INTS6: variants seen among roughly 807,000 people sequenced by gnomAD.
The protein encoded by INTS6 is DEAD box protein.
A neutral mutation model predicts 104.9 loss-of-function variants in INTS6; 16 were observed. The observed-to-expected ratio is 0.15, with a 90% CI of 0.10 to 0.23. The LOEUF (loss-of-function observed/expected upper bound fraction) is 0.23, where lower values mean the gene tolerates loss of function less well. Ranked by LOEUF, INTS6 falls within the 10% of genes least tolerant of loss-of-function variation. The pLI is 1.00. For missense variants in INTS6, 584 were observed against 1,062.8 expected (o/e 0.55, Z 6.26); for synonymous variants, 324 against 358.7 (o/e 0.90, Z 1.09).
intron 5 of INTS6, among the ~76,000 whole-genome samples, chr13:51,390,629 T>C (rs11148216): frequency 0.034 from 5,214 of 152,156 alleles, 105 homozygotes; most frequent in South Asian, 0.059. Flanking sequence ...CATCATTACA[T>C]TTGACACATC....
At chr13:51,338,757 G>A in the INTS6 span, among the ~76,000 whole-genome samples, 1 of 152,160 alleles carries the variant, frequency 6.6e-6, no homozygotes, top group African/African-American at 2.4e-5. Flanking sequence ...ACAATCCCAG[G>A]TTTGGGTGTC....
chr13:51,382,806 G>A (rs1956077217), intron 9 of INTS6, among the ~76,000 whole-genome samples: 1 of 152,242 alleles, frequency 6.6e-6, no homozygotes. Flanking sequence ...GCCGGGCACA[G>A]TGGCCCATGC....
intron 4 of INTS6, among the ~76,000 whole-genome samples, chr13:51,424,101 T>C (rs77248465): frequency 0.011 from 1,656 of 152,188 alleles, 26 homozygotes; most frequent in East Asian, 0.07. Flanking sequence ...GAGCTAGAAT[T>C]GGATAATAGA....
chr13:51,433,920 G>A (rs773354035), intron 3 of INTS6, among the ~76,000 whole-genome samples: 21 of 152,124 alleles, frequency 1.4e-4, no homozygotes, highest in Non-Finnish European at 2.8e-4. Context: ...AACTTAGTGA[G>A]GTAAAATATT....
intron 4 of INTS6, among the ~76,000 whole-genome samples, chr13:51,397,572 T>A (rs1956361340): frequency 6.6e-6 from 1 of 152,210 alleles, no homozygotes; most frequent in African/African-American, 2.4e-5. Flanking sequence ...TACCACACCC[T>A]GACAGAAGAT....
intron 4 of INTS6, chr13:51,421,350 A>C (rs1956892635): frequency 1.5e-5 from 14 of 951,108 alleles, no homozygotes; most frequent in Non-Finnish European, 1.8e-5. Context: ...AGGAAAAAAA[A>C]CATCAAAACC....
At chr13:51,420,046 T>C (rs1284588335) in intron 4 of INTS6, among the ~76,000 whole-genome samples, 3 of 152,200 alleles carry the variant, frequency 2.0e-5, no homozygotes, top group Non-Finnish European at 2.9e-5. Flanking sequence ...CAGTACACAC[T>C]ATACAGGCTG....
chr13:51,348,720 G>C, the INTS6 span: 2 of 319,406 alleles, frequency 6.3e-6, no homozygotes, highest in Non-Finnish European at 1.2e-5. Flanking sequence ...CCCTAGGCTG[G>C]ACCAGTTTTT....
At chr13:51,413,169 T>C (rs888611888) in intron 4 of INTS6, among the ~76,000 whole-genome samples, 4 of 152,232 alleles carry the variant, frequency 2.6e-5, no homozygotes, top group South Asian at 4.2e-4. Context: ...TACTACTTAA[T>C]TACACACTAT....
chr13:51,390,185 C>T (rs1388651524), intron 5 of INTS6, among the ~76,000 whole-genome samples: 1 of 151,900 alleles, frequency 6.6e-6, no homozygotes, highest in Non-Finnish European at 1.5e-5. Context: ...CTTTGCTATA[C>T]AATACTTTAT....
the INTS6 span, chr13:51,348,476 C>G: frequency 7.2e-7 from 1 of 1,391,726 alleles, no homozygotes; most frequent in Non-Finnish European, 1.0e-6. Context: ...TGGATTTGCA[C>G]ACAGGTGGTC....
At chr13:51,359,002 T>G (rs1955521597), downstream of INTS6, among the ~76,000 whole-genome samples, 1 of 152,098 alleles carries the variant, frequency 6.6e-6, no homozygotes, top group South Asian at 2.1e-4. Context: ...GATTAGCAGC[T>G]CTAAGAAGTC....
downstream of INTS6, among the ~76,000 whole-genome samples, chr13:51,349,234 T>C (rs188407468): frequency 6.6e-6 from 1 of 152,238 alleles, no homozygotes; most frequent in Non-Finnish European, 1.5e-5. Flanking sequence ...AAAGGCAAAG[T>C]CCTTGGCAGT....
intron 3 of INTS6, chr13:51,445,881 C>T (rs759558600): frequency 3.3e-5 from 5 of 152,114 alleles, no homozygotes; most frequent in Admixed American, 2.6e-4. Flanking sequence ...TATCCACATG[C>T]AAAAGAATGA....
chr13:51,406,437 T>G (rs540300227), intron 4 of INTS6, among the ~76,000 whole-genome samples: 1 of 148,524 alleles, frequency 6.7e-6, no homozygotes, highest in East Asian at 2.0e-4. Context: ...GATAACCACC[T>G]CCTCCCTGTT....
intron 4 of INTS6, among the ~76,000 whole-genome samples, chr13:51,425,684 A>G (rs1956971820): frequency 1.3e-5 from 2 of 152,222 alleles, no homozygotes; most frequent in South Asian, 4.1e-4. Flanking sequence ...AGTACAGAAT[A>G]GTTTTCCATT....
Position 51,452,848 on chromosome 13 carries a change from G to T in INTS6, c.-323C>A. ...TCCCGTCCCCGCTCCCGGCCCCTGT[G>T]TGTGTCCCAGCGGGAGACGGGCCTG... is the stretch of plus-strand genomic sequence containing the variant. On this transcript the variant is annotated 5_prime_UTR_variant, in exon 1 of 18. Coordinates refer to ENST00000311234, the MANE Select transcript of INTS6 (RefSeq NM_012141.3). The surrounding 1 kb of genome is among the most constrained non-coding windows in gnomAD (Gnocchi z 4.2). 8.7e-7 allele frequency: 1 copy of T among 1,150,456 alleles called. No individual in the cohort carries two copies. Among genetic ancestry groups the T allele is most frequent in the Non-Finnish European group, 1.1e-6 (1 of 929,220 alleles). The allele number at this position is 1,150,456 out of a possible 1,614,324, so 71.3% of individuals were successfully genotyped here. A position where few individuals can be genotyped will look rare whatever the true frequency, so the allele number is the denominator to read the frequency against.
chr13:51,403,713 C>G (rs1168880308), intron 4 of INTS6, among the ~76,000 whole-genome samples: 2 of 151,674 alleles, frequency 1.3e-5, no homozygotes, highest in African/African-American at 4.8e-5. Flanking sequence ...AATCATGCTT[C>G]CCACTTAAGT....
the INTS6 span, chr13:51,344,124 G>A: frequency 1.4e-6 from 1 of 692,104 alleles, no homozygotes. Context: ...GGCTTTGTAT[G>A]GTAGATGAAC....
Sources: allele counts gnomAD v4.1 joint callset (sites outside exome capture counted in the v4.1 genomes callset), GRCh38; gene constraint gnomAD v4.1.1; non-coding constraint Gnocchi (gnomAD v3.1); transcripts MANE v1.5; gene names NCBI Gene and HGNC (gene_info 2026-07-23, HGNC 2026-07-21).